The following LRMDA variants were observed in gnomAD, a reference collection of about 807,000 sequenced individuals.
LRMDA encodes the protein leucine-rich melanocyte differentiation-associated protein.
LRMDA carries 18 observed loss-of-function variants against 29.8 expected under a neutral mutation model. That is an observed-to-expected ratio of 0.60 (90% CI 0.42 to 0.90). The LOEUF is 0.90. LRMDA is among the 40% of genes least tolerant of loss of function. LRMDA has a pLI of 0.00. For missense variants in LRMDA, 273 were observed against 273.9 expected, an observed-to-expected ratio of 1.00 and a Z score of 0.02; for synonymous variants, 125 against 109.4, an observed-to-expected ratio of 1.14 and a Z score of -0.89.
At chr10:76,527,462 C>A (rs1843189634) in intron 6 of LRMDA, among the ~76,000 whole-genome samples, 1 of 151,906 alleles carries the variant, frequency 6.6e-6, no homozygotes, top group South Asian at 2.1e-4. Context: ...GATTTTTTTT[C>A]CCCTCTTGAT....
In LRMDA at chr10:76,146,862, C is replaced by T. The variant is rs906274993; in HGVS notation, c.516+88079C>T. Among the ~76,000 whole-genome samples the T allele has an allele frequency of 1.1e-3, 166 of 152,268 alleles. 1 individual carries two copies. Among genetic ancestry groups the T allele is most frequent in the African/African-American group, 3.8e-3 (158 of 41,544 alleles). ...CCATGTTTAGTGCTTCCTTCAGGAG[C>T]TCATTTAGGGCAGGCCTGCTGGTGA... On this transcript the variant is annotated intron_variant, in intron 5 of 6. Coordinates refer to ENST00000611255, the MANE Select transcript of LRMDA (RefSeq NM_001305581.2).
intron 5 of LRMDA, among the ~76,000 whole-genome samples, chr10:76,155,210 A>G (rs886465159): frequency 2.0e-5 from 3 of 152,240 alleles, no homozygotes; most frequent in African/African-American, 7.2e-5. Flanking sequence ...CACCAGATCC[A>G]AGCCTTTAAT....
intron 2 of LRMDA, among the ~76,000 whole-genome samples, chr10:75,562,459 T>C (rs1432419120): frequency 6.6e-6 from 1 of 152,150 alleles, no homozygotes; most frequent in African/African-American, 2.4e-5. Context: ...GAATACAGCA[T>C]GCTGATGGGT....
At chr10:76,485,594 C>T (rs1842773362) in intron 6 of LRMDA, among the ~76,000 whole-genome samples, 1 of 151,614 alleles carries the variant, frequency 6.6e-6, no homozygotes, top group Non-Finnish European at 1.5e-5. Context: ...TATTCTTTCC[C>T]CAACACTCTT....
At chr10:76,133,864 G>T (rs1850044842) in intron 5 of LRMDA, among the ~76,000 whole-genome samples, 1 of 152,128 alleles carries the variant, frequency 6.6e-6, no homozygotes, top group Non-Finnish European at 1.5e-5. Context: ...GATGAGGATG[G>T]GGGTGAGGGA....
chr10:75,933,490 A>T (rs934316872), intron 2 of LRMDA, among the ~76,000 whole-genome samples: 3 of 152,224 alleles, frequency 2.0e-5, no homozygotes, highest in African/African-American at 7.2e-5. Context: ...AGAGCAGTGG[A>T]TTCAGCCCAA....
chr10:75,906,404 A>G (rs1448106717), intron 2 of LRMDA, among the ~76,000 whole-genome samples: 1 of 152,188 alleles, frequency 6.6e-6, no homozygotes, highest in African/African-American at 2.4e-5. Flanking sequence ...TGAGGCACAG[A>G]AAGGTGAGGT....
At chr10:76,082,745 A>G (rs1003997813) in intron 5 of LRMDA, among the ~76,000 whole-genome samples, 13 of 152,206 alleles carry the variant, frequency 8.5e-5, no homozygotes, top group African/African-American at 2.9e-4. Flanking sequence ...CTACTGGTAG[A>G]GTTACAGTAA....
intron 2 of LRMDA, among the ~76,000 whole-genome samples, chr10:75,953,253 T>C (rs1589265122): frequency 6.6e-6 from 1 of 152,024 alleles, no homozygotes; most frequent in South Asian, 2.1e-4. Flanking sequence ...GTTTTTAAAA[T>C]TTTTTATAGA....
At chr10:75,717,366 G>A (rs922323756) in intron 2 of LRMDA, among the ~76,000 whole-genome samples, 8 of 152,246 alleles carry the variant, frequency 5.3e-5, no homozygotes, top group South Asian at 2.1e-4. Context: ...AAAACAGGGC[G>A]ATGGGATGGT....
intron 2 of LRMDA, among the ~76,000 whole-genome samples, chr10:75,453,546 TCTA>T (rs1844483134): frequency 6.6e-6 from 1 of 152,246 alleles, no homozygotes; most frequent in African/African-American, 2.4e-5. Flanking sequence ...CGAAGACTTT[TCTA>T]TTTCACTTAG....
At chr10:75,815,791 A>G (rs1435633522) in intron 2 of LRMDA, among the ~76,000 whole-genome samples, 2 of 152,246 alleles carry the variant, frequency 1.3e-5, no homozygotes, top group Admixed American at 1.3e-4. Context: ...TTTGGCTGAT[A>G]TACTAATGAA....
At chr10:75,584,157 C>A (rs1441188440) in intron 2 of LRMDA, among the ~76,000 whole-genome samples, 2 of 152,188 alleles carry the variant, frequency 1.3e-5, no homozygotes, top group Non-Finnish European at 2.9e-5. Flanking sequence ...CCTGCCACCC[C>A]CTGCTCCCCA....
intron 6 of LRMDA, among the ~76,000 whole-genome samples, chr10:76,408,143 TGA>T (rs1488637987): frequency 1.3e-5 from 2 of 152,196 alleles, no homozygotes; most frequent in Admixed American, 1.3e-4. Flanking sequence ...TGGGTTTTGA[TGA>T]GAGTCTGAGC....
intron 5 of LRMDA, among the ~76,000 whole-genome samples, chr10:76,241,812 G>C (rs191635697): frequency 1.3e-5 from 2 of 152,150 alleles, no homozygotes; most frequent in African/African-American, 4.8e-5. Context: ...AGAGAGGGTA[G>C]CCACTCACCA....
intron 2 of LRMDA, among the ~76,000 whole-genome samples, chr10:75,895,462 A>C (rs1419937716): frequency 6.6e-6 from 1 of 152,190 alleles, no homozygotes; most frequent in East Asian, 1.9e-4. Flanking sequence ...AGGTACAGAG[A>C]AGTAACTTGC....
chr10:75,636,122 CACCTATGT>C (rs572973259), intron 2 of LRMDA, among the ~76,000 whole-genome samples: 198 of 152,288 alleles, frequency 1.3e-3, no homozygotes, highest in African/African-American at 4.5e-3. Context: ...TCTACCTATC[CACCTATGT>C]ACCTATGTGT....
chr10:76,245,284 C>T (rs1852354048), intron 5 of LRMDA, among the ~76,000 whole-genome samples: 1 of 152,114 alleles, frequency 6.6e-6, no homozygotes, highest in South Asian at 2.1e-4. Context: ...ATTGAGGATC[C>T]TGTGTTAATG....
At chr10:76,151,522 G>A (rs892272338) in intron 5 of LRMDA, among the ~76,000 whole-genome samples, 7 of 152,088 alleles carry the variant, frequency 4.6e-5, no homozygotes, top group African/African-American at 7.2e-5. Flanking sequence ...CTTGATCGTC[G>A]CCTGGCACAT....
Sources: gnomAD v4.1 joint callset for allele counts (sites outside exome capture counted in the v4.1 genomes callset) on GRCh38, gnomAD v4.1.1 for gene constraint, MANE v1.5 for transcripts, NCBI Gene and HGNC (gene_info 2026-07-23, HGNC 2026-07-21) for gene names.